Variants in PPP2R2B observed in about 807,000 individuals in gnomAD.
PPP2R2B encodes protein phosphatase 2 regulatory subunit Bbeta, also known as serine/threonine-protein phosphatase 2A 55 kDa regulatory subunit B beta isoform.
In PPP2R2B, 5 loss-of-function variants were observed where a neutral mutation model predicts 46.0. The observed-to-expected ratio is 0.11, with a 90% CI of 0.06 to 0.23. The LOEUF is 0.23. Ranked by LOEUF, PPP2R2B falls within the 10% of genes least tolerant of loss-of-function variation. The pLI, the probability that PPP2R2B is intolerant of heterozygous loss-of-function variation, is 1.00. For missense variants in PPP2R2B, 367 were observed against 575.0 expected (o/e 0.64, Z 3.70); for synonymous variants, 215 against 206.7 (o/e 1.04, Z -0.34).
Position 146,631,991 on chromosome 5 carries a change from G to C in PPP2R2B, c.790+6260C>G, listed in dbSNP as rs560641110. ...CAATGAGGCCTGGAAACAATGTCTG[G>C]AACTGCTGGCTCCAGGGCTTGTGTT... On this transcript the variant is annotated intron_variant, in intron 7 of 9. Coordinates refer to ENST00000394411, the MANE Select transcript of PPP2R2B (RefSeq NM_181675.4). Among the ~76,000 whole-genome samples the C allele has an allele frequency of 2.0e-5, 3 of 151,956 alleles. No homozygotes were observed. The East Asian group carries it at 5.8e-4, about 29-fold the overall frequency.
At position 146,878,310 on chromosome 5, in the gene PPP2R2B, C is replaced by T. The variant is rs2151420254; in HGVS notation, c.-124-115G>A. The T allele has an allele frequency of 2.1e-6, 3 of 1,444,978 alleles. No homozygotes were observed. The highest frequency in any genetic ancestry group is 1.4e-5 in the African/African-American group (1 of 70,002). The allele number at this position is 1,444,978 out of a possible 1,614,324, so 89.5% of individuals were successfully genotyped here. A position where few individuals can be genotyped will look rare whatever the true frequency, so the allele number is the denominator to read the frequency against. On this transcript the variant is annotated intron_variant, in intron 1 of 9. Coordinates refer to ENST00000394411, the MANE Select transcript of PPP2R2B (RefSeq NM_181675.4). The surrounding 1 kb of genome is among the most constrained non-coding windows in gnomAD (Gnocchi z 4.5). Reference sequence around the variant, plus strand: ...GGCGGCTCCTCCCGCGCGGTGCGCTCACTCCAGCTCCAGTTCCCAGCGAGG... The same window carrying T: ...GGCGGCTCCTCCCGCGCGGTGCGCTTACTCCAGCTCCAGTTCCCAGCGAGG...
At chr5:146,968,193 T>A (rs1381714014) in intron 1 of PPP2R2B, among the ~76,000 whole-genome samples, 1 of 152,204 alleles carries the variant, frequency 6.6e-6, no homozygotes, top group African/African-American at 2.4e-5. Flanking sequence ...CCACATTCCA[T>A]GGGTATCAGT....
intron 2 of PPP2R2B, among the ~76,000 whole-genome samples, chr5:146,787,465 G>A (rs1475079905): frequency 6.6e-6 from 1 of 152,108 alleles, no homozygotes; most frequent in Admixed American, 6.6e-5. Context: ...GGAGAGTTCA[G>A]ATCTTGGGCC....
chr5:146,746,936 A>G (rs1206234355), intron 2 of PPP2R2B, among the ~76,000 whole-genome samples: 1 of 152,182 alleles, frequency 6.6e-6, no homozygotes, highest in Non-Finnish European at 1.5e-5. Context: ...CCGAATTTTC[A>G]TTCGGGTCTC....
intron 2 of PPP2R2B, among the ~76,000 whole-genome samples, chr5:146,721,033 C>T (rs1205863431): frequency 1.3e-5 from 2 of 152,048 alleles, no homozygotes; most frequent in Admixed American, 1.3e-4. Flanking sequence ...TTTTTTATTT[C>T]TTGAAAAGTC....
rs532162761 is a variant in PPP2R2B, at chr5:146,689,988, G to T, written c.447+1140C>A. 7.2e-5 allele frequency among the ~76,000 whole-genome samples: 11 copies of T among 152,328 alleles called. No homozygotes were observed. The South Asian group carries it at 2.3e-3, about 32-fold the overall frequency. ...TCAAAAAGTAACTGCTGAATAAGCA[G>T]ATGTATCAATAAATGAATTATTAAA... On this transcript the variant is annotated intron_variant, in intron 5 of 9. Transcript: ENST00000394411.
chr5:146,663,653 CA>C (rs1350028587), intron 5 of PPP2R2B, among the ~76,000 whole-genome samples: 1 of 152,058 alleles, frequency 6.6e-6, no homozygotes, highest in East Asian at 1.9e-4. Context: ...TTTAAAACAA[CA>C]AGGTACATGC....
intron 1 of PPP2R2B, among the ~76,000 whole-genome samples, chr5:147,039,512 T>G (rs1756196198): frequency 6.6e-6 from 1 of 152,054 alleles, no homozygotes; most frequent in Non-Finnish European, 1.5e-5. Context: ...AGAATTAGAG[T>G]ACAAGATGGG....
chr5:147,005,079 T>C (rs565572240), intron 1 of PPP2R2B, among the ~76,000 whole-genome samples: 29 of 152,274 alleles, frequency 1.9e-4, no homozygotes, highest in Admixed American at 3.3e-4. Flanking sequence ...GAGGGACCAG[T>C]GCTTCAAACA....
In PPP2R2B at chr5:146,899,132, C is replaced by A. The variant is rs1359468400; in HGVS notation, c.79+156533G>T. Among the ~76,000 whole-genome samples the A allele has an allele frequency of 3.3e-5, 5 of 149,594 alleles. No homozygotes were observed. The East Asian group carries it at 6.0e-4, about 18-fold the overall frequency. On this transcript the variant is annotated intron_variant, in intron 1 of 8. Transcript: ENST00000336640. ...AGCCATCCCATTACTGGGTATATAC[C>A]CAAAGGACTATAAATCATGCTGCTA... is the stretch of plus-strand genomic sequence containing the variant.
At chr5:146,900,472 C>G (rs1174687873) in intron 1 of PPP2R2B, among the ~76,000 whole-genome samples, 1 of 151,992 alleles carries the variant, frequency 6.6e-6, no homozygotes. Flanking sequence ...GGTTATTGTT[C>G]CAGCTTCCCT....
intron 5 of PPP2R2B, among the ~76,000 whole-genome samples, chr5:146,670,476 A>ATTATTTATTTATTTAT (rs58516893): frequency 1.0e-3 from 144 of 144,260 alleles, no homozygotes; most frequent in East Asian, 5.5e-3. Context: ...TATGTGTACT[A>ATTATTTATTTATTTAT]TTATTTATTT....
intron 1 of PPP2R2B, among the ~76,000 whole-genome samples, chr5:146,983,018 T>A (rs1239581909): frequency 6.6e-6 from 1 of 152,100 alleles, no homozygotes; most frequent in African/African-American, 2.4e-5. Context: ...ATGTGGACTA[T>A]TTAGATTCAA....
chr5:146,848,828 A>T (rs530919761), intron 2 of PPP2R2B, among the ~76,000 whole-genome samples: 24 of 150,892 alleles, frequency 1.6e-4, no homozygotes, highest in African/African-American at 5.5e-4. Flanking sequence ...ATTTATCTGG[A>T]GTTCTGCATG....
At chr5:146,797,580 A>G (rs1756616509) in intron 2 of PPP2R2B, among the ~76,000 whole-genome samples, 1 of 152,198 alleles carries the variant, frequency 6.6e-6, no homozygotes, top group Non-Finnish European at 1.5e-5. Context: ...ATAACAAGGT[A>G]TATTTGTAAC....
At position 147,001,730 on chromosome 5, in the gene PPP2R2B, C is replaced by T. The variant is rs1268103109; in HGVS notation, c.79+53935G>A. On this transcript the variant is annotated intron_variant, in intron 1 of 8. Transcript: ENST00000336640. ...CCTATTTTTCCTTAGAATCTGGGGG[C>T]TAAATAACAGGCACTTGTTGGCCAG... 1.6e-4 allele frequency among the ~76,000 whole-genome samples: 24 copies of T among 152,154 alleles called. 2 individuals carry two copies. Among genetic ancestry groups the T allele is most frequent in the Admixed American group, 1.6e-3 (24 of 15,262 alleles).
intron 5 of PPP2R2B, among the ~76,000 whole-genome samples, chr5:146,666,034 T>C (rs550341121): frequency 8.5e-4 from 130 of 152,348 alleles, no homozygotes; most frequent in African/African-American, 3.1e-3. Context: ...GCTGTATGTC[T>C]GAGAACACGT....
intron 1 of PPP2R2B, among the ~76,000 whole-genome samples, chr5:146,921,646 C>T (rs1161956833): frequency 6.6e-6 from 1 of 152,174 alleles, no homozygotes; most frequent in Non-Finnish European, 1.5e-5. Context: ...GCCTTCTCAG[C>T]TCTCAAAATG....
chr5:146,639,403 T>C (rs1465824702), intron 6 of PPP2R2B, among the ~76,000 whole-genome samples: 1 of 152,194 alleles, frequency 6.6e-6, no homozygotes, highest in Non-Finnish European at 1.5e-5. Context: ...CCTTGTATAT[T>C]GGAATGAAAC....
Sources: allele counts gnomAD v4.1 joint callset (sites outside exome capture counted in the v4.1 genomes callset), GRCh38; gene constraint gnomAD v4.1.1; non-coding constraint Gnocchi (gnomAD v3.1); transcripts MANE v1.5; gene names NCBI Gene and HGNC (gene_info 2026-07-23, HGNC 2026-07-21).